SBF1: variants seen among roughly 807,000 people sequenced by gnomAD.
SBF1 encodes myotubularin-related protein 5.
Under a neutral mutation model 215.8 loss-of-function variants are expected in SBF1, and 65 were observed. The ratio of observed to expected loss-of-function variants is 0.30; its 90% CI spans 0.25 to 0.37. The LOEUF is 0.37. SBF1 is among the 10% of genes least tolerant of loss of function. The probability of loss-of-function intolerance (pLI) is 1.00; values close to 1 mark genes in which losing one functional copy is unlikely to be tolerated. For missense variants in SBF1, 2,634 were observed against 2,667.8 expected, an observed-to-expected ratio of 0.99 and a Z score of 0.28; for synonymous variants, 1,410 against 1,122.8, an observed-to-expected ratio of 1.26 and a Z score of -5.11.
chr22:50,466,930 G>C (rs1359960221), intron 5 of SBF1: 8 of 565,200 alleles, frequency 1.4e-5, no homozygotes, highest in South Asian at 1.2e-4. Flanking sequence ...TTTTGACTTG[G>C]GGGTAGGGAT....
At chr22:50,455,759 A>T in intron 31 of SBF1, 177 bp from the exon 32 acceptor site, 1 of 620,058 alleles carries the variant, frequency 1.6e-6, no homozygotes, top group South Asian at 1.9e-5. Context: ...GGGTGTGCCG[A>T]CCACCGCCTC....
intron 23 of SBF1, 94 bp from the exon 24 acceptor site, chr22:50,460,806 A>G: frequency 1.5e-6 from 2 of 1,366,040 alleles, no homozygotes; most frequent in Non-Finnish European, 2.0e-6. Context: ...CCTCGCAGCC[A>G]TGACAGAGAG....
intron 2 of SBF1, among the ~76,000 whole-genome samples, chr22:50,468,155 C>A (rs2067854624): frequency 6.6e-6 from 1 of 152,164 alleles, no homozygotes; most frequent in African/African-American, 2.4e-5. Context: ...GGAGAACAGT[C>A]CCCACCATCA....
Position 50,471,812 on chromosome 22 carries a change from G to C in SBF1, c.55+2974C>G, listed in dbSNP as rs141812710. 6.0e-4 allele frequency among the ~76,000 whole-genome samples: 91 copies of C among 152,310 alleles called. 1 individual carries two copies. The East Asian group carries it at 0.017, about 28-fold the overall frequency. ...ACAGCCCCAACCCGCTCCAGAGGGA[G>C]GGCAGGAACGTGGGTGGGGACAGTA... On this transcript the variant is annotated intron_variant, in intron 1 of 40. Transcript: ENST00000380817.
intron 2 of SBF1, 141 bp downstream of exon 2, chr22:50,468,235 C>G: frequency 1.3e-6 from 1 of 797,786 alleles, no homozygotes; most frequent in Non-Finnish European, 2.0e-6. Flanking sequence ...GTCAAACCCC[C>G]CGACAGAGGC....
chr22:50,461,756 C>G, intron 21 of SBF1, 38 bp from the exon 22 acceptor site: 1 of 1,611,004 alleles, frequency 6.2e-7, no homozygotes, highest in Non-Finnish European at 8.5e-7. Flanking sequence ...GGATGCAGCC[C>G]GGGCCTTGGG....
At chr22:50,472,553 T>G (rs1161112104) in intron 1 of SBF1, among the ~76,000 whole-genome samples, 5 of 152,178 alleles carry the variant, frequency 3.3e-5, no homozygotes, top group South Asian at 2.1e-4. Flanking sequence ...GCCTCCTGTG[T>G]GCTACTGCTT....
intron 36 of SBF1, among the ~76,000 whole-genome samples, chr22:50,449,461 A>C (rs1441141350): frequency 6.6e-6 from 1 of 152,100 alleles, no homozygotes; most frequent in African/African-American, 2.4e-5. Flanking sequence ...CTAAAAATAC[A>C]AAAATTAGCC....
chr22:50,464,293 C>CT, intron 15 of SBF1, 36 bp downstream of exon 15: 11 of 1,559,162 alleles, frequency 7.1e-6, no homozygotes, highest in Non-Finnish European at 9.7e-6. Context: ...CTGAAACCCG[C>CT]TGCCCTGGCC....
At chr22:50,459,723 C>A in intron 26 of SBF1, 57 bp from the exon 27 acceptor site, 3 of 1,510,560 alleles carry the variant, frequency 2.0e-6, no homozygotes, top group Non-Finnish European at 2.7e-6. Flanking sequence ...TCCAGGCTCA[C>A]GCCCCAAGCA....
Position 50,457,044 on chromosome 22 carries a change from G to T in SBF1, c.3894C>A (p.Thr1298=). ...GGCTCGGTACGGTACCTCGGGGTGC[G>T]GTCCGTCTGGAGGCCGAGGCCGCCA... ...NPMAASASRR[T]APRGKWGSVR... The change falls in exon 29 of 41, where the codon ACC becomes ACA. Residue 1298 remains threonine (T), a synonymous_variant. Transcript: ENST00000380817. 1 of 1,446,722 alleles carries T rather than the reference G, an allele frequency of 6.9e-7. No individual in the cohort carries two copies. The highest frequency in any genetic ancestry group is 2.8e-5 in the East Asian group (1 of 35,324). The allele number at this position is 1,446,722 out of a possible 1,614,324, so 89.6% of individuals were successfully genotyped here.
Position 50,445,391 on chromosome 22 carries a change from G to C in SBF1, c.*1751C>G, listed in dbSNP as rs1179711696. The stretch of plus-strand genomic sequence containing the variant: ...GCCCCACCTTGTCCTCAGTGGCTGA[G>C]TGGGAGGGGCAGGTGGAGACCAGAC... On this transcript the variant is annotated 3_prime_UTR_variant, in exon 41 of 41. Transcript: ENST00000380817. 1.3e-5 allele frequency: 2 copies of C among 152,282 alleles called. No homozygotes were observed. Among genetic ancestry groups the C allele is most frequent in the Non-Finnish European group, 2.9e-5 (2 of 68,092 alleles). 9.4% of individuals were successfully genotyped at this position (152,282 alleles called of 1,614,324 possible). A position where few individuals can be genotyped will look rare whatever the true frequency, so the allele number is the denominator to read the frequency against.
In SBF1 at chr22:50,448,256, G is replaced by C; in HGVS notation, c.5340C>G (p.Phe1780Leu). 6.2e-7 allele frequency: 1 copy of C among 1,612,678 alleles called. No homozygotes were observed. The highest frequency in any genetic ancestry group is 8.5e-7 in the Non-Finnish European group (1 of 1,179,944). Residue 1780 changes from phenylalanine (F) to leucine (L), a missense_variant, in exon 38 of 41, where the codon TTC becomes TTG. Phe to Leu is a conservative substitution (Grantham distance 22, BLOSUM62 0). Transcript: ENST00000380817. Reference sequence around the variant, plus strand: ...ACCTGTTCTCACTCTCTGCTGTCTGGAACTGGCTGTACAGGGTGCTGGTGC... The same window carrying C: ...ACCTGTTCTCACTCTCTGCTGTCTGCAACTGGCTGTACAGGGTGCTGGTGC... ...RRSTSTLYSQ[F>L]QTAESENRSY...
At chr22:50,459,927 C>T (rs748429686) in intron 26 of SBF1, 25 bp downstream of exon 26, 12 of 1,610,930 alleles carry the variant, frequency 7.4e-6, no homozygotes, top group African/African-American at 1.3e-5. Flanking sequence ...GTCCACCACC[C>T]GGGCCAGCCC....
Position 50,457,048 on chromosome 22 carries a change from C to A in SBF1, c.3890G>T (p.Arg1297Leu). The A allele has an allele frequency of 1.4e-6, 2 of 1,451,542 alleles. No homozygotes were observed. Among genetic ancestry groups the A allele is most frequent in the Non-Finnish European group, 9.0e-7 (1 of 1,106,696 alleles). The allele number at this position is 1,451,542 out of a possible 1,614,324, so 89.9% of individuals were successfully genotyped here. The part of the protein sequence containing the change: ...SNPMAASASR[R>L]TAPRGKWGSV... ...CGGTACGGTACCTCGGGGTGCGGTC[C>A]GTCTGGAGGCCGAGGCCGCCATGGG... The change falls in exon 29 of 41, where the codon CGG becomes CTG. Residue 1297 changes from arginine to leucine, a missense_variant. Transcript: ENST00000380817.
intron 36 of SBF1, 72 bp downstream of exon 36, chr22:50,454,440 C>T: frequency 7.5e-7 from 1 of 1,335,776 alleles, no homozygotes; most frequent in South Asian, 1.2e-5. Flanking sequence ...TGTACACACA[C>T]ACGCACGACC....
At chr22:50,465,573 C>A (rs1246334873) in intron 10 of SBF1, among the ~76,000 whole-genome samples, 190 bp downstream of exon 10, 1 of 152,248 alleles carries the variant, frequency 6.6e-6, no homozygotes, top group Non-Finnish European at 1.5e-5. Context: ...TGGGCCCCTG[C>A]CGCCTCGCCT....
Position 50,462,926 on chromosome 22 carries a change from GAGA to G in SBF1, c.1909_1911del (p.Ser637del). ...GCCGCCGCAATGCCATGCTCGTCCA[GAGA>G]AGTGCAGTCCTGCAGGTAGAGCGAG... On this transcript the variant is annotated inframe_deletion, in exon 17 of 41. Coordinates refer to ENST00000380817, the MANE Select transcript of SBF1 (RefSeq NM_002972.4). 1 of 1,613,012 alleles carries G rather than the reference GAGA, an allele frequency of 6.2e-7. No individual in the cohort carries two copies. Among genetic ancestry groups the G allele is most frequent in the Non-Finnish European group, 8.5e-7 (1 of 1,179,830 alleles).
At position 50,466,674 on chromosome 22, in the gene SBF1, T is replaced by C; in HGVS notation, c.586A>G (p.Ile196Val). Residue 196 changes from isoleucine to valine, a missense_variant, in exon 6 of 41, where the codon ATC (isoleucine) becomes GTC (valine). Physicochemically the swap from Ile to Val is conservative, Grantham distance 29. Transcript: ENST00000380817. ...ISLGAGDRQV[I>V]QTPLADSLPV... ...AGCGAGTCGGCCAGTGGAGTCTGGA[T>C]GACCTGCCGGTCACCAGCCCCCAAA... The C allele has an allele frequency of 1.3e-6, 2 of 1,547,394 alleles. No homozygotes were observed. Among genetic ancestry groups the C allele is most frequent in the Non-Finnish European group, 1.7e-6 (2 of 1,144,506 alleles).
Sources: gnomAD v4.1 joint callset for allele counts (sites outside exome capture counted in the v4.1 genomes callset) on GRCh38, gnomAD v4.1.1 for gene constraint, MANE v1.5 for transcripts, NCBI Gene and HGNC (gene_info 2026-07-23, HGNC 2026-07-21) for gene names.